SHISA6: variants seen among roughly 807,000 people sequenced by gnomAD.
SHISA6 encodes shisa family member 6.
SHISA6 carries 22 observed loss-of-function variants against 47.9 expected under a neutral mutation model. The ratio of observed to expected loss-of-function variants is 0.46; its 90% CI spans 0.33 to 0.66. SHISA6 has a LOEUF of 0.66. SHISA6 is among the 30% of genes least tolerant of loss of function. The pLI is 0.02. For missense variants in SHISA6, 680 were observed against 764.6 expected (o/e 0.89, Z 1.30); for synonymous variants, 388 against 337.8 (o/e 1.15, Z -1.63).
chr17:11,549,257 C>T (rs2071909699), intron 3 of SHISA6, among the ~76,000 whole-genome samples: 1 of 152,042 alleles, frequency 6.6e-6, no homozygotes, highest in South Asian at 2.1e-4. Flanking sequence ...AATGTCACAG[C>T]GGTTATTTTA....
At chr17:11,300,186 AAAAG>A (rs934275707) in intron 2 of SHISA6, among the ~76,000 whole-genome samples, 35 of 152,066 alleles carry the variant, frequency 2.3e-4, no homozygotes, top group African/African-American at 6.3e-4. Flanking sequence ...AAAAAAGAAA[AAAAG>A]AAAGGCAACA....
rs558694157 is a variant in SHISA6, at chr17:11,487,346, G to A, written c.896-64550G>A. 2.6e-5 allele frequency among the ~76,000 whole-genome samples: 4 copies of A among 152,318 alleles called. No homozygotes were observed. In the East Asian group the frequency reaches 7.7e-4, roughly 29 times the overall value. ...GCGCCACCTAAAGCCTGAAAGTTAG[G>A]GTGGAAAGTATATCTCAATTGTTAT... On this transcript the variant is annotated intron_variant, in intron 3 of 5. Transcript: ENST00000441885.
chr17:11,305,979 C>T (rs149382084), intron 2 of SHISA6, among the ~76,000 whole-genome samples: 241 of 152,248 alleles, frequency 1.6e-3, no homozygotes, highest in African/African-American at 5.4e-3. Flanking sequence ...GATGCCTGTG[C>T]GTACCCTTCT....
chr17:11,275,968 C>T (rs183056234), intron 2 of SHISA6, among the ~76,000 whole-genome samples: 51 of 151,244 alleles, frequency 3.4e-4, no homozygotes, highest in African/African-American at 1.2e-3. Context: ...AGACTAGATT[C>T]TGTTTTTTGT....
chr17:11,353,405 C>A (rs747258503), intron 2 of SHISA6, among the ~76,000 whole-genome samples: 11 of 150,956 alleles, frequency 7.3e-5, no homozygotes, highest in Non-Finnish European at 1.6e-4. Flanking sequence ...TGCAGTGAGC[C>A]GAGATCACGC....
At chr17:11,386,008 T>A (rs752779549) in intron 3 of SHISA6, among the ~76,000 whole-genome samples, 3 of 151,830 alleles carry the variant, frequency 2.0e-5, no homozygotes, top group Non-Finnish European at 4.4e-5. Flanking sequence ...ATCTACTCAG[T>A]GGATGCAAGA....
intron 3 of SHISA6, among the ~76,000 whole-genome samples, chr17:11,398,510 C>T (rs552763016): frequency 4.3e-4 from 65 of 152,286 alleles, no homozygotes; most frequent in African/African-American, 1.5e-3. Flanking sequence ...AATCAATACT[C>T]TGACCTACCA....
chr17:11,384,518 G>T (rs79372900), intron 3 of SHISA6, among the ~76,000 whole-genome samples: 4,970 of 152,220 alleles, frequency 0.033, 254 homozygotes, highest in African/African-American at 0.1. Flanking sequence ...AACTCAGTCC[G>T]GCTGGTTGAT....
chr17:11,457,140 G>A (rs1915562245), intron 3 of SHISA6, among the ~76,000 whole-genome samples: 1 of 152,142 alleles, frequency 6.6e-6, no homozygotes, highest in Non-Finnish European at 1.5e-5. Context: ...GTGACCAACT[G>A]AATATTTATG....
chr17:11,250,744 T>A (rs1907769853), intron 1 of SHISA6, among the ~76,000 whole-genome samples: 1 of 151,432 alleles, frequency 6.6e-6, no homozygotes, highest in African/African-American at 2.4e-5. Flanking sequence ...GCCTGGGGAG[T>A]CCCTCTTAAC....
intron 3 of SHISA6, among the ~76,000 whole-genome samples, chr17:11,507,799 T>C (rs962002376): frequency 3.9e-5 from 6 of 152,190 alleles, no homozygotes; most frequent in Non-Finnish European, 8.8e-5. Context: ...ATAAGATTAT[T>C]TCATTTCTAA....
intron 3 of SHISA6, among the ~76,000 whole-genome samples, chr17:11,481,203 C>T (rs955887640): frequency 2.0e-5 from 3 of 151,866 alleles, no homozygotes; most frequent in Middle Eastern, 3.4e-3. Flanking sequence ...TATTTGAACC[C>T]GGGAGGCAGA....
chr17:11,248,690 C>T (rs372766215), intron 1 of SHISA6, among the ~76,000 whole-genome samples: 7 of 152,212 alleles, frequency 4.6e-5, no homozygotes, highest in African/African-American at 1.4e-4. Flanking sequence ...AGTTTTTTCA[C>T]GTTCCTTTCT....
chr17:11,557,834 G>T lies in SHISA6; in HGVS notation c.1186G>T (p.Val396Phe). 6.4e-7 allele frequency: 1 copy of T among 1,551,330 alleles called. No individual in the cohort carries two copies. The highest frequency in any genetic ancestry group is 8.7e-7 in the Non-Finnish European group (1 of 1,146,990). Residue 396 changes from valine (V) to phenylalanine (F), a missense_variant, in exon 6 of 6, where the codon GTC becomes TTC. Physicochemically the swap from Val to Phe is conservative, Grantham distance 50 (BLOSUM62 -1). This residue lies in a region of SHISA6 where 559 missense variants were observed against 674.1 expected (regional missense o/e 0.83). Transcript: ENST00000441885. ...LAARGTLPLN[V>F]IQMSQQKPLP... Reference sequence around the variant, plus strand: ...TGCCCGCGGCACCCTCCCCCTCAATGTCATCCAGATGTCCCAACAGAAGCC... The same window carrying T: ...TGCCCGCGGCACCCTCCCCCTCAATTTCATCCAGATGTCCCAACAGAAGCC...
intron 1 of SHISA6, among the ~76,000 whole-genome samples, chr17:11,246,174 ATTTC>A (rs1349017773): frequency 6.6e-6 from 1 of 151,532 alleles, no homozygotes; most frequent in Non-Finnish European, 1.5e-5. Flanking sequence ...CCTTGCCTTT[ATTTC>A]TTTTTTCTTT....
chr17:11,520,105 A>C (rs750722614), intron 3 of SHISA6, among the ~76,000 whole-genome samples: 2 of 152,168 alleles, frequency 1.3e-5, no homozygotes, highest in Non-Finnish European at 2.9e-5. Flanking sequence ...TCTCAAAATT[A>C]CATCTCGAGC....
At chr17:11,326,023 C>T (rs2142200362) in intron 2 of SHISA6, among the ~76,000 whole-genome samples, 1 of 152,324 alleles carries the variant, frequency 6.6e-6, no homozygotes, top group Non-Finnish European at 1.5e-5. Flanking sequence ...GTAATCCCAG[C>T]AGTTTGGGAG....
chr17:11,539,779 A>C (rs1307982402), intron 3 of SHISA6, among the ~76,000 whole-genome samples: 1 of 152,184 alleles, frequency 6.6e-6, no homozygotes, highest in East Asian at 1.9e-4. Flanking sequence ...ATGAGTCCTG[A>C]GCGCTAATTG....
chr17:11,285,468 G>T (rs1185250989), intron 2 of SHISA6, among the ~76,000 whole-genome samples: 1 of 152,200 alleles, frequency 6.6e-6, no homozygotes, highest in Non-Finnish European at 1.5e-5. Context: ...AAAAAGGGGA[G>T]AAGGGGTGTC....
Sources: gnomAD v4.1 joint callset for allele counts (sites outside exome capture counted in the v4.1 genomes callset) on GRCh38, gnomAD v4.1.1 for gene constraint, gnomAD v4.1.1 regional missense constraint, MANE v1.5 for transcripts, NCBI Gene and HGNC (gene_info 2026-07-23, HGNC 2026-07-21) for gene names.